The following CFAP77 variants were observed in gnomAD, a reference collection of about 807,000 sequenced individuals.
CFAP77 encodes the protein cilia and flagella associated protein 77, also known as cilia- and flagella-associated protein 77.
In CFAP77, 25 loss-of-function variants were observed where a neutral mutation model predicts 31.1. That is an observed-to-expected ratio of 0.80 (90% CI 0.59 to 1.12). The LOEUF (loss-of-function observed/expected upper bound fraction) is 1.12. Ranked by LOEUF, CFAP77 falls within the 50% of genes most tolerant of loss-of-function variation. The pLI, the probability that CFAP77 is intolerant of heterozygous loss-of-function variation, is 0.00. For missense variants in CFAP77, 377 were observed against 397.3 expected, an observed-to-expected ratio of 0.95 and a Z score of 0.44; for synonymous variants, 151 against 159.9, an observed-to-expected ratio of 0.94 and a Z score of 0.42.
chr9:132,498,588 G>A lies in CFAP77; in HGVS notation c.196-107G>A. On this transcript the variant is annotated intron_variant, in intron 1 of 5. Coordinates refer to ENST00000393216, the MANE Select transcript of CFAP77 (RefSeq NM_001282957.2). The surrounding 1 kb of genome is among the most constrained non-coding windows in gnomAD (Gnocchi z 4.2). The stretch of plus-strand genomic sequence containing the variant: ...CTGTGCCACCCTGAAGGCCACGGCA[G>A]GGCCTGGGGGAAATGCAGGCATCTG... 1 of 837,572 alleles carries A rather than the reference G, an allele frequency of 1.2e-6. No homozygotes were observed. The highest frequency in any genetic ancestry group is 1.9e-6 in the Non-Finnish European group (1 of 517,796). 51.9% of individuals were successfully genotyped at this position (837,572 alleles called of 1,614,324 possible). A position where few individuals can be genotyped will look rare whatever the true frequency, so the allele number is the denominator to read the frequency against.
Position 132,424,042 on chromosome 9 carries a change from G to A in CFAP77, c.195+13576G>A, listed in dbSNP as rs770046163. Among the ~76,000 whole-genome samples, 2 of 152,168 alleles carry A rather than the reference G, an allele frequency of 1.3e-5. No individual in the cohort carries two copies. The highest frequency in any genetic ancestry group is 6.5e-5 in the Admixed American group (1 of 15,282). On this transcript the variant is annotated intron_variant, in intron 1 of 5. Coordinates refer to ENST00000393216, the MANE Select transcript of CFAP77 (RefSeq NM_001282957.2). The surrounding 1 kb of genome is among the most constrained non-coding windows in gnomAD (Gnocchi z 4.1). The stretch of plus-strand genomic sequence containing the variant: ...TGGGCAGAAAATTCACATCACACAC[G>A]TGCACCTACGGCCAGAAGTTGACTG...
intron 3 of CFAP77, among the ~76,000 whole-genome samples, chr9:132,504,968 C>T (rs1056614406): frequency 7.9e-5 from 12 of 152,350 alleles, no homozygotes; most frequent in African/African-American, 2.9e-4. Context: ...AACACCAAAT[C>T]CGATTACACC....
chr9:132,438,691 A>G lies in CFAP77; in HGVS notation c.195+28225A>G, dbSNP rs926304904. 5.3e-5 allele frequency among the ~76,000 whole-genome samples: 8 copies of G among 150,606 alleles called. No individual in the cohort carries two copies. In the East Asian group the frequency reaches 1.4e-3, roughly 26 times the overall value. On this transcript the variant is annotated intron_variant, in intron 1 of 5. Transcript: ENST00000393216. ...GCTGGGACTACTAGCACATGCCAAC[A>G]TGCCTGGCTAATTTTGTATTTTTTA...
chr9:132,513,448 C>T (rs1005359137), intron 3 of CFAP77: 13 of 1,385,120 alleles, frequency 9.4e-6, no homozygotes, highest in East Asian at 2.6e-5. Context: ...CAGCCCCTCC[C>T]CGTCTTCCCT....
At chr9:132,504,296 G>A (rs1470030500) in intron 3 of CFAP77, among the ~76,000 whole-genome samples, 4 of 152,162 alleles carry the variant, frequency 2.6e-5, no homozygotes, top group Admixed American at 6.5e-5. Flanking sequence ...TCCTAGTGCC[G>A]GGGTTTTCCA....
chr9:132,471,807 C>T (rs1000953009), intron 1 of CFAP77, among the ~76,000 whole-genome samples: 1 of 152,072 alleles, frequency 6.6e-6, no homozygotes, highest in Non-Finnish European at 1.5e-5. Context: ...CTCAAGCTAT[C>T]CTCCCACCTC....
chr9:132,538,830 G>A (rs1409386145), intron 4 of CFAP77, among the ~76,000 whole-genome samples: 1 of 151,854 alleles, frequency 6.6e-6, no homozygotes, highest in Non-Finnish European at 1.5e-5. Flanking sequence ...GCTCACACCT[G>A]TAATCCCAGC....
chr9:132,496,348 C>T (rs1851743523), intron 1 of CFAP77, among the ~76,000 whole-genome samples: 1 of 152,190 alleles, frequency 6.6e-6, no homozygotes, highest in South Asian at 2.1e-4. Flanking sequence ...AGATGTAATT[C>T]ACATTCCCTA....
rs914879842 is a variant in CFAP77 at position 132,551,866 on chromosome 9, G to T, written c.732+8819G>T. Among the ~76,000 whole-genome samples, 4 of 152,294 alleles carry T rather than the reference G, an allele frequency of 2.6e-5. No homozygotes were observed. The East Asian group carries it at 7.7e-4, about 29-fold the overall frequency. On this transcript the variant is annotated intron_variant, in intron 5 of 5. Transcript: ENST00000393216. Reference sequence around the variant, plus strand: ...CCAGTGCAGGGCTAAATGCGGGCCCGGGAAGGAAAGTGCAGGGCGGTCAGG... The same window carrying T: ...CCAGTGCAGGGCTAAATGCGGGCCCTGGAAGGAAAGTGCAGGGCGGTCAGG...
chr9:132,526,469 T>A (rs1589907656), intron 3 of CFAP77, among the ~76,000 whole-genome samples: 1 of 152,074 alleles, frequency 6.6e-6, no homozygotes, highest in South Asian at 2.1e-4. Flanking sequence ...CCTGACTTCG[T>A]GATCCGTCCG....
intron 1 of CFAP77, among the ~76,000 whole-genome samples, chr9:132,469,639 A>C (rs576710438): frequency 2.0e-5 from 3 of 152,284 alleles, no homozygotes; most frequent in African/African-American, 7.2e-5. Context: ...CTTTCAAAAA[A>C]AGTATTTCAT....
intron 5 of CFAP77, among the ~76,000 whole-genome samples, chr9:132,563,887 C>G (rs1829855039): frequency 6.6e-6 from 1 of 152,182 alleles, no homozygotes; most frequent in African/African-American, 2.4e-5. Flanking sequence ...TTTGGCCACT[C>G]AGATTTCCCC....
chr9:132,572,825 A>G lies in CFAP77; in HGVS notation c.*315A>G, dbSNP rs1829978961. 1 of 367,404 alleles carries G rather than the reference A, an allele frequency of 2.7e-6. No homozygotes were observed. Among genetic ancestry groups the G allele is most frequent in the Non-Finnish European group, 4.9e-6 (1 of 204,930 alleles). The allele number at this position is 367,404 out of a possible 1,614,324, so 22.8% of individuals were successfully genotyped here. A position where few individuals can be genotyped will look rare whatever the true frequency, so the allele number is the denominator to read the frequency against. On this transcript the variant is annotated 3_prime_UTR_variant, in exon 6 of 6. Transcript: ENST00000393216. ...CAAGACAAGCCCAAATTACAAGACA[A>G]TTTTTTAGACTCCAGGCTAAGGGTC...
chr9:132,418,882 T>C (rs966288786), intron 1 of CFAP77, among the ~76,000 whole-genome samples: 2 of 152,228 alleles, frequency 1.3e-5, no homozygotes, highest in African/African-American at 4.8e-5. Flanking sequence ...ACAAAATTGA[T>C]TGAGTACACC....
At chr9:132,529,457 T>C (rs1852394821) in intron 3 of CFAP77, among the ~76,000 whole-genome samples, 1 of 143,020 alleles carries the variant, frequency 7.0e-6, no homozygotes, top group Admixed American at 7.0e-5. Context: ...TGTATACATA[T>C]GTAACTAAAC....
intron 1 of CFAP77, among the ~76,000 whole-genome samples, chr9:132,439,033 A>G (rs548509440): frequency 5.4e-4 from 81 of 150,180 alleles, no homozygotes; most frequent in Admixed American, 1.7e-3. Context: ...ACACCACTAC[A>G]CCCAGCTAAT....
chr9:132,471,778 G>T (rs1426639833), intron 1 of CFAP77, among the ~76,000 whole-genome samples: 1 of 152,058 alleles, frequency 6.6e-6, no homozygotes, highest in Non-Finnish European at 1.5e-5. Flanking sequence ...ATGACTCAAT[G>T]CAGCCTCGAA....
At chr9:132,505,947 G>A (rs998933725) in intron 3 of CFAP77, among the ~76,000 whole-genome samples, 4 of 152,146 alleles carry the variant, frequency 2.6e-5, no homozygotes, top group Admixed American at 1.3e-4. Context: ...GCTCTGCATC[G>A]ATCTTAAACG....
chr9:132,569,436 A>G lies in CFAP77; in HGVS notation c.733-2952A>G, dbSNP rs532674191. 1.3e-4 allele frequency among the ~76,000 whole-genome samples: 20 copies of G among 152,192 alleles called. No individual in the cohort carries two copies. In the South Asian group the frequency reaches 4.2e-3, roughly 32 times the overall value. ...GAGGGTGGTAGGGGGGAAAAGGAAAATTCTTATAGTGACATTGTAACAACA... is the reference window on the plus strand; with the variant it reads ...GAGGGTGGTAGGGGGGAAAAGGAAAGTTCTTATAGTGACATTGTAACAACA... On this transcript the variant is annotated intron_variant, in intron 5 of 5. Transcript: ENST00000393216.
Sources: allele counts gnomAD v4.1 joint callset (sites outside exome capture counted in the v4.1 genomes callset), GRCh38; gene constraint gnomAD v4.1.1; non-coding constraint Gnocchi (gnomAD v3.1); transcripts MANE v1.5; gene names NCBI Gene and HGNC (gene_info 2026-07-23, HGNC 2026-07-21).